KRT8: variants seen among roughly 807,000 people sequenced by gnomAD.
KRT8 encodes the protein keratin 8, also known as keratin, type II cytoskeletal 8.
KRT8 carries 24 observed loss-of-function variants against 43.0 expected under a neutral mutation model. The observed-to-expected ratio is 0.56, with a 90% confidence interval of 0.40 to 0.78. The LOEUF (loss-of-function observed/expected upper bound fraction) is 0.78. Ranked by LOEUF, KRT8 falls within the 30% of genes least tolerant of loss-of-function variation. The pLI is 0.00. For synonymous variants in KRT8, 214 were observed against 261.2 expected, an observed-to-expected ratio of 0.82 and a Z score of 1.74; for missense variants, 492 against 638.4, an observed-to-expected ratio of 0.77 and a Z score of 2.47.
At chr12:52,946,010 C>A (rs1355566923) in intron 2 of KRT8, among the ~76,000 whole-genome samples, 1 of 152,184 alleles carries the variant, frequency 6.6e-6, no homozygotes, top group Non-Finnish European at 1.5e-5. Flanking sequence ...TGGAAAGGGG[C>A]AGGCTGGTGC....
At chr12:52,917,990 AGGAGAGGAAGGAGAG>A (rs1420411783) in intron 2 of KRT8, among the ~76,000 whole-genome samples, 2 of 146,502 alleles carry the variant, frequency 1.4e-5, no homozygotes, top group Non-Finnish European at 3.0e-5. Flanking sequence ...AAGAAGAAGA[AGGAGAGGAAGGAGAG>A]GAAGAAGAAG....
intron 2 of KRT8, among the ~76,000 whole-genome samples, chr12:52,920,841 C>G (rs1421186632): frequency 6.6e-6 from 1 of 152,182 alleles, no homozygotes. Context: ...GAGTTCAAGA[C>G]CAGCCTGGAC....
At chr12:52,939,723 CA>C (rs1266388748) in intron 2 of KRT8, among the ~76,000 whole-genome samples, 262 of 135,842 alleles carry the variant, frequency 1.9e-3, no homozygotes, top group Admixed American at 2.0e-3. Context: ...GACTCCCTCT[CA>C]AAAAAAAAAA....
intron 2 of KRT8, among the ~76,000 whole-genome samples, chr12:52,929,872 C>T (rs1942056376): frequency 6.6e-6 from 1 of 152,176 alleles, no homozygotes; most frequent in Non-Finnish European, 1.5e-5. Flanking sequence ...CTCGGAGCTA[C>T]AGACCCAAGT....
intron 2 of KRT8, chr12:52,947,501 T>C (rs959729486): frequency 6.6e-6 from 1 of 151,804 alleles, no homozygotes; most frequent in Admixed American, 6.6e-5. Flanking sequence ...TTATTTTGAG[T>C]CAGAGTTTCG....
chr12:52,946,311 C>T (rs1942343407), intron 2 of KRT8, among the ~76,000 whole-genome samples: 1 of 152,088 alleles, frequency 6.6e-6, no homozygotes, highest in Admixed American at 6.5e-5. Context: ...CCCTTGAGCC[C>T]GTCTTTCGAA....
At chr12:52,899,584 C>T (rs756149434) in intron 5 of KRT8, among the ~76,000 whole-genome samples, 191 bp downstream of exon 5, 6 of 152,096 alleles carry the variant, frequency 3.9e-5, no homozygotes, top group South Asian at 2.1e-4. Context: ...TGTCCTGGCC[C>T]AAGGGACCTT....
intron 2 of KRT8, among the ~76,000 whole-genome samples, chr12:52,933,428 T>C (rs1863120117): frequency 1.3e-5 from 2 of 152,116 alleles, no homozygotes; most frequent in Non-Finnish European, 2.9e-5. Flanking sequence ...TGTATATGAA[T>C]GGAGAGATAT....
At chr12:52,949,147 C>T (rs745822356) in intron 2 of KRT8, 2 of 1,589,410 alleles carry the variant, frequency 1.3e-6, no homozygotes, top group South Asian at 1.1e-5. Flanking sequence ...AAGCCTGAGT[C>T]CTGTCCTTTC....
chr12:52,948,486 TC>T (rs1942385428), intron 2 of KRT8: 1 of 126,770 alleles, frequency 7.9e-6, no homozygotes, highest in East Asian at 2.0e-4. Context: ...CCCCCAAATT[TC>T]TTTTTTCTTT....
intron 2 of KRT8, chr12:52,947,379 G>A (rs1272946010): frequency 1.3e-5 from 2 of 152,302 alleles, no homozygotes; most frequent in African/African-American, 2.4e-5. Context: ...GAGGGGAGGG[G>A]CACTGGCCAC....
At chr12:52,943,428 C>T (rs1942297162) in intron 2 of KRT8, among the ~76,000 whole-genome samples, 1 of 152,188 alleles carries the variant, frequency 6.6e-6, no homozygotes, top group Admixed American at 6.5e-5. Context: ...TGGTCTCTTC[C>T]TGGGAACTTA....
intron 2 of KRT8, chr12:52,948,882 G>T (rs1003682897): frequency 2.4e-6 from 1 of 424,586 alleles, no homozygotes; most frequent in South Asian, 9.6e-5. Context: ...CAGCCTCGAG[G>T]GCCAACAACA....
chr12:52,938,649 G>C (rs190049739), intron 2 of KRT8, among the ~76,000 whole-genome samples: 1 of 150,278 alleles, frequency 6.7e-6, no homozygotes, highest in Non-Finnish European at 1.5e-5. Flanking sequence ...ACGGAGTCTC[G>C]CTCTGTCGCC....
intron 7 of KRT8, 38 bp downstream of exon 7, chr12:52,898,423 T>C (rs560134447): frequency 5.7e-5 from 91 of 1,593,102 alleles, no homozygotes; most frequent in Non-Finnish European, 7.5e-5. Context: ...CCCTGGGCCC[T>C]GCCTCCCGCC....
intron 2 of KRT8, among the ~76,000 whole-genome samples, chr12:52,925,827 G>A (rs960783041): frequency 6.6e-6 from 1 of 152,092 alleles, no homozygotes; most frequent in Non-Finnish European, 1.5e-5. Context: ...TAGAGGACAG[G>A]AGGTGGAGCC....
At chr12:52,917,963 AGAAGAG>A (rs1474741478) in intron 2 of KRT8, among the ~76,000 whole-genome samples, 8 of 148,996 alleles carry the variant, frequency 5.4e-5, no homozygotes, top group African/African-American at 1.2e-4. Flanking sequence ...AGGAAGAAGA[AGAAGAG>A]GAAGAGGAAG....
chr12:52,923,239 C>G (rs1941922934), intron 2 of KRT8, among the ~76,000 whole-genome samples: 1 of 152,094 alleles, frequency 6.6e-6, no homozygotes, highest in Non-Finnish European at 1.5e-5. Context: ...TAGACTATTC[C>G]TAGAAGAATG....
intron 2 of KRT8, among the ~76,000 whole-genome samples, chr12:52,938,221 T>C (rs570039318): frequency 3.1e-4 from 43 of 137,004 alleles, no homozygotes; most frequent in African/African-American, 1.1e-3. Flanking sequence ...CAGGCTGGAG[T>C]GCAGGGCCAT....
Sources: gnomAD v4.1 joint callset for allele counts (sites outside exome capture counted in the v4.1 genomes callset) on GRCh38, gnomAD v4.1.1 for gene constraint, MANE v1.5 for transcripts, NCBI Gene and HGNC (gene_info 2026-07-23, HGNC 2026-07-21) for gene names.